Variants in AR observed in about 807,000 individuals in gnomAD.
AR encodes androgen receptor.
AR carries 8 observed loss-of-function variants against 53.9 expected under a neutral mutation model. The observed-to-expected ratio is 0.15, with a 90% CI of 0.09 to 0.27. The LOEUF is 0.27. AR is among the 10% of genes least tolerant of loss of function. The pLI is 1.00. For synonymous variants in AR, 359 were observed against 316.4 expected, an observed-to-expected ratio of 1.13 and a Z score of -1.43; for missense variants, 639 against 742.5, an observed-to-expected ratio of 0.86 and a Z score of 1.62.
chrX:67,666,384 G>A (rs1313108962), intron 2 of AR, among the ~76,000 whole-genome samples: 2 of 111,950 alleles, frequency 1.8e-5, no homozygotes, highest in Non-Finnish European at 3.8e-5. Context: ...TATTGCAAAT[G>A]ACAGGATCTC....
intron 1 of AR, among the ~76,000 whole-genome samples, chrX:67,599,872 G>A (rs1681367994): frequency 9.0e-6 from 1 of 111,489 alleles, no homozygotes; most frequent in Non-Finnish European, 1.9e-5. Flanking sequence ...ATTATGATAT[G>A]CGCATATGGA....
intron 1 of AR, among the ~76,000 whole-genome samples, chrX:67,563,596 C>G (rs1326901159): frequency 9.0e-6 from 1 of 111,666 alleles, no homozygotes; most frequent in Non-Finnish European, 1.9e-5. Context: ...GCCTGGCTTC[C>G]CCTTCCACAA....
intron 5 of AR, among the ~76,000 whole-genome samples, chrX:67,717,928 A>G (rs1028108336): frequency 8.9e-6 from 1 of 112,173 alleles, no homozygotes; most frequent in African/African-American, 3.2e-5. Flanking sequence ...CTTCACATAT[A>G]AAAGAGGCAG....
intron 4 of AR, among the ~76,000 whole-genome samples, chrX:67,714,251 T>TC (rs1405571200): frequency 8.9e-6 from 1 of 112,222 alleles, no homozygotes; most frequent in Non-Finnish European, 1.9e-5. Flanking sequence ...TTCTGTGTCC[T>TC]CATTTGTAAG....
intron 3 of AR, among the ~76,000 whole-genome samples, chrX:67,690,347 G>C (rs1160441242): frequency 8.9e-6 from 1 of 111,904 alleles, no homozygotes; most frequent in Non-Finnish European, 1.9e-5. Context: ...GCCATGGTCT[G>C]ATGTCGTTAT....
In AR at chrX:67,545,313, TGCTGCA is replaced by T. The variant is rs1489924686; in HGVS notation, c.170_175del (p.Leu57_Gln58del). The T allele has an allele frequency of 8.9e-5, 98 of 1,099,024 alleles. No homozygotes were observed. Among genetic ancestry groups the T allele is most frequent in the South Asian group, 6.2e-4 (31 of 50,029 alleles). The allele number at this position is 1,099,024 out of a possible 1,213,427, so 90.6% of individuals were successfully genotyped here. On this transcript the variant is annotated inframe_deletion, in exon 1 of 8. Coordinates refer to ENST00000374690, the MANE Select transcript of AR (RefSeq NM_000044.6). ...GCACCTCCCGGCGCCAGTTTGCTGC[TGCTGCA>T]GCAGCAGCAGCAGCAGCAGCAGCAG...
At chrX:67,587,100 G>T (rs1176880037) in intron 1 of AR, among the ~76,000 whole-genome samples, 1 of 112,158 alleles carries the variant, frequency 8.9e-6, no homozygotes, top group Non-Finnish European at 1.9e-5. Context: ...TCAAGTAGGA[G>T]AACTTACTTG....
At chrX:67,639,275 G>T (rs888387369) in intron 1 of AR, among the ~76,000 whole-genome samples, 1 of 111,820 alleles carries the variant, frequency 8.9e-6, no homozygotes, top group African/African-American at 3.3e-5. Flanking sequence ...TGTGCTTTTG[G>T]CTTAGAATTG....
At chrX:67,670,755 C>A (rs934775253) in intron 2 of AR, among the ~76,000 whole-genome samples, 5 of 110,350 alleles carry the variant, frequency 4.5e-5, no homozygotes, top group Non-Finnish European at 9.5e-5. Context: ...CTAGCCCTAC[C>A]CCACTCCCTG....
At chrX:67,627,641 T>A (rs769516921) in intron 1 of AR, among the ~76,000 whole-genome samples, 2 of 112,031 alleles carry the variant, frequency 1.8e-5, no homozygotes, top group Non-Finnish European at 3.8e-5. Context: ...TTGAATTAGA[T>A]CCCATTTGTC....
chrX:67,566,199 T>G (rs1417270267), intron 1 of AR, among the ~76,000 whole-genome samples: 3 of 112,006 alleles, frequency 2.7e-5, no homozygotes, highest in African/African-American at 9.8e-5. Flanking sequence ...ATTCACTAAT[T>G]AATTATTTTA....
chrX:67,654,144 T>C (rs1926479051), intron 2 of AR, among the ~76,000 whole-genome samples: 1 of 111,149 alleles, frequency 9.0e-6, no homozygotes. Context: ...AAATCACTTT[T>C]GTATGCCTCT....
chrX:67,548,427 A>G (rs925316220), intron 1 of AR, among the ~76,000 whole-genome samples: 1 of 111,733 alleles, frequency 8.9e-6, no homozygotes, highest in African/African-American at 3.3e-5. Flanking sequence ...AGTATTCTTC[A>G]TTTTATAAGA....
chrX:67,657,224 G>T (rs1926635466), intron 2 of AR, among the ~76,000 whole-genome samples: 2 of 111,042 alleles, frequency 1.8e-5, no homozygotes, highest in African/African-American at 6.6e-5. Flanking sequence ...TATTTCAGGG[G>T]CTGTATTACA....
At chrX:67,569,023 G>A (rs373434994) in intron 1 of AR, 1 of 1,210,440 alleles carries the variant, frequency 8.3e-7, no homozygotes, top group African/African-American at 1.7e-5. Context: ...GGCTTCACAG[G>A]TGGGAGGTTC....
At chrX:67,598,112 G>T (rs1004047588) in intron 1 of AR, among the ~76,000 whole-genome samples, 4 of 111,059 alleles carry the variant, frequency 3.6e-5, no homozygotes, top group Non-Finnish European at 5.7e-5. Flanking sequence ...ATTCTGCAGA[G>T]AATTGAAGGA....
At chrX:67,559,119 A>G (rs1053766892) in intron 1 of AR, among the ~76,000 whole-genome samples, 1 of 112,398 alleles carries the variant, frequency 8.9e-6, no homozygotes, top group Non-Finnish European at 1.9e-5. Flanking sequence ...AATATGCACC[A>G]GTTTCTTTTA....
At chrX:67,546,795 G>C (rs960105463) in intron 1 of AR, 33 bp downstream of exon 1, 8 of 1,176,208 alleles carry the variant, frequency 6.8e-6, no homozygotes, top group Non-Finnish European at 9.2e-6. Context: ...GTCGCCTTTC[G>C]GCCCAGGGCA....
At chrX:67,598,364 C>T (rs1203498314) in intron 1 of AR, among the ~76,000 whole-genome samples, 2 of 107,106 alleles carry the variant, frequency 1.9e-5, no homozygotes, top group African/African-American at 6.9e-5. Flanking sequence ...CTCACTGCAA[C>T]CTCCGCCTCA....
Sources: gnomAD v4.1 joint callset for allele counts (sites outside exome capture counted in the v4.1 genomes callset) on GRCh38, gnomAD v4.1.1 for gene constraint, MANE v1.5 for transcripts, NCBI Gene and HGNC (gene_info 2026-07-23, HGNC 2026-07-21) for gene names.